Variants in ZSCAN25 observed in about 807,000 individuals in gnomAD.
ZSCAN25 encodes zinc finger and SCAN domain containing 25, also known as zinc finger and SCAN domain-containing protein 25.
A neutral mutation model predicts 38.7 loss-of-function variants in ZSCAN25; 27 were observed. The ratio of observed to expected loss-of-function variants is 0.70; its 90% CI spans 0.51 to 0.96. The LOEUF (loss-of-function observed/expected upper bound fraction) is 0.96, where lower values mean the gene tolerates loss of function less well. Ranked by LOEUF, ZSCAN25 falls within the 40% of genes least tolerant of loss-of-function variation. ZSCAN25 has a pLI of 0.00. For synonymous variants in ZSCAN25, 273 were observed against 277.7 expected, an observed-to-expected ratio of 0.98 and a Z score of 0.17; for missense variants, 637 against 705.9, an observed-to-expected ratio of 0.90 and a Z score of 1.11.
At chr7:99,710,892 G>A in the ZSCAN25 span, 1 of 1,613,688 alleles carries the variant, frequency 6.2e-7, no homozygotes, top group Non-Finnish European at 8.5e-7. Context: ...ATCAGACAGA[G>A]CTGAAAGGAG....
At chr7:99,662,755 A>G in the ZSCAN25 span, 1 of 1,481,594 alleles carries the variant, frequency 6.7e-7, no homozygotes, top group South Asian at 1.1e-5. The surrounding 1 kb of genome is among the most constrained non-coding windows in gnomAD (Gnocchi z 4.3). Context: ...GCACATTTTC[A>G]GAACAAGGCC....
At chr7:99,685,201 T>C in the ZSCAN25 span, 23 of 1,613,530 alleles carry the variant, frequency 1.4e-5, no homozygotes, top group Non-Finnish European at 1.9e-5. Context: ...TTTTTCTGGT[T>C]GAAGAAGTCC....
the ZSCAN25 span, among the ~76,000 whole-genome samples, chr7:99,707,212 G>A: frequency 6.6e-6 from 1 of 152,232 alleles, no homozygotes; most frequent in Non-Finnish European, 1.5e-5. Context: ...AGGTCAGTAA[G>A]GATGGCCTTG....
chr7:99,702,385 T>C, the ZSCAN25 span, among the ~76,000 whole-genome samples: 7 of 152,248 alleles, frequency 4.6e-5, no homozygotes, highest in Non-Finnish European at 1.0e-4. Context: ...GCCACCGTGT[T>C]TGGCCAGATT....
chr7:99,715,461 A>G, the ZSCAN25 span: 1 of 373,112 alleles, frequency 2.7e-6, no homozygotes, highest in South Asian at 2.8e-5. Context: ...TGAAAAATTA[A>G]TATCATTTCT....
At chr7:99,619,300 G>T (rs1276426948) in intron 3 of ZSCAN25, among the ~76,000 whole-genome samples, 168 bp downstream of exon 3, 1 of 152,192 alleles carries the variant, frequency 6.6e-6, no homozygotes. Context: ...TTCTCTGATT[G>T]TAGTGTTATT....
At chr7:99,705,623 A>G in the ZSCAN25 span, 1 of 1,610,958 alleles carries the variant, frequency 6.2e-7, no homozygotes, top group African/African-American at 1.3e-5. Context: ...GCATATTGAG[A>G]AGCATTAAAT....
chr7:99,626,976 A>G (rs535467883), intron 7 of ZSCAN25, among the ~76,000 whole-genome samples: 6 of 152,324 alleles, frequency 3.9e-5, no homozygotes, highest in South Asian at 2.1e-4. Context: ...ATACTTAGGT[A>G]TCATTGTATT....
the ZSCAN25 span, among the ~76,000 whole-genome samples, chr7:99,638,075 C>T: frequency 6.6e-6 from 1 of 152,110 alleles, no homozygotes; most frequent in African/African-American, 2.4e-5. Context: ...GGAAAAAGAA[C>T]GGGAAACAGA....
chr7:99,702,972 G>C, the ZSCAN25 span, among the ~76,000 whole-genome samples: 1 of 152,036 alleles, frequency 6.6e-6, no homozygotes, highest in Non-Finnish European at 1.5e-5. Flanking sequence ...CTTTGATTAA[G>C]TTAATTCTTA....
At chr7:99,732,033 C>T in the ZSCAN25 span, among the ~76,000 whole-genome samples, 1 of 152,102 alleles carries the variant, frequency 6.6e-6, no homozygotes, top group Non-Finnish European at 1.5e-5. Context: ...TGAATCTGTG[C>T]CCCTACCCAA....
rs879307878 is a variant in ZSCAN25 at position 99,616,987 on chromosome 7, C to T, written c.-288C>T. 8 of 152,234 alleles carry T rather than the reference C, an allele frequency of 5.3e-5. No individual in the cohort carries two copies. The highest frequency in any genetic ancestry group is 1.2e-4 in the Non-Finnish European group (8 of 68,072). 9.4% of individuals were successfully genotyped at this position (152,234 alleles called of 1,614,324 possible). A position where few individuals can be genotyped will look rare whatever the true frequency, so the allele number is the denominator to read the frequency against. ...CCGCGGATAGCACTGGCGACCCTAG[C>T]GGGTGAGAGGCCCTTCAGGGCCGCG... is the stretch of plus-strand genomic sequence containing the variant. On this transcript the variant is annotated 5_prime_UTR_variant, in exon 1 of 8. Coordinates refer to ENST00000394152, the MANE Select transcript of ZSCAN25 (RefSeq NM_145115.3).
At chr7:99,642,188 A>G in the ZSCAN25 span, among the ~76,000 whole-genome samples, 1 of 152,118 alleles carries the variant, frequency 6.6e-6, no homozygotes, top group Non-Finnish European at 1.5e-5. Context: ...ATATCTGCAA[A>G]TTCTTTGACA....
At position 99,629,645 on chromosome 7, in the gene ZSCAN25, G is replaced by A; in HGVS notation, c.1260G>A (p.Val420=). 1 of 1,614,058 alleles carries A rather than the reference G, an allele frequency of 6.2e-7. No homozygotes were observed. Among genetic ancestry groups the A allele is most frequent in the Non-Finnish European group, 8.5e-7 (1 of 1,180,038 alleles). ...KTFSQRHHLE[V]HQRSHTGEKP... ...TCAGCCAGAGACACCACCTGGAGGTGCACCAGCGCAGCCACACTGGGGAGA... is the reference window on the plus strand; with the variant it reads ...TCAGCCAGAGACACCACCTGGAGGTACACCAGCGCAGCCACACTGGGGAGA... The change falls in exon 8 of 8, where the codon GTG becomes GTA. Residue 420 remains valine (V), a synonymous_variant. Transcript: ENST00000394152. This position sits in a 1 kb window ranked among gnomAD's most constrained non-coding sequence, Gnocchi z 5.6.
the ZSCAN25 span, among the ~76,000 whole-genome samples, chr7:99,698,438 C>T: frequency 6.6e-6 from 1 of 152,214 alleles, no homozygotes; most frequent in South Asian, 2.1e-4. Flanking sequence ...TATTTTCTTA[C>T]TTCATACGGA....
At chr7:99,654,324 A>G in the ZSCAN25 span, among the ~76,000 whole-genome samples, 2 of 152,238 alleles carry the variant, frequency 1.3e-5, no homozygotes, top group South Asian at 2.1e-4. Context: ...GAGTGAGAAC[A>G]TACAGTGTTT....
At chr7:99,638,760 C>T in the ZSCAN25 span, 1 of 1,065,556 alleles carries the variant, frequency 9.4e-7, no homozygotes, top group Non-Finnish European at 1.5e-6. Context: ...ATAGCACTTT[C>T]CCCATCGCGT....
chr7:99,680,540 C>T, the ZSCAN25 span, among the ~76,000 whole-genome samples: 1 of 152,152 alleles, frequency 6.6e-6, no homozygotes, highest in Non-Finnish European at 1.5e-5. Flanking sequence ...CAGAGGTGAG[C>T]TCCTCAAGGG....
the ZSCAN25 span, among the ~76,000 whole-genome samples, chr7:99,719,173 A>G: frequency 6.6e-6 from 1 of 152,222 alleles, no homozygotes; most frequent in East Asian, 1.9e-4. Context: ...ATGGAAAAGC[A>G]GAGGACCAGG....
Sources: gnomAD v4.1 joint callset for allele counts (sites outside exome capture counted in the v4.1 genomes callset) on GRCh38, gnomAD v4.1.1 for gene constraint, Gnocchi (gnomAD v3.1) non-coding constraint, MANE v1.5 for transcripts, NCBI Gene and HGNC (gene_info 2026-07-23, HGNC 2026-07-21) for gene names.